The following SRCIN1 variants were observed in gnomAD, a reference collection of about 807,000 sequenced individuals.
The protein encoded by SRCIN1 is SRC kinase signaling inhibitor 1, also known as P130Cas-associated protein.
In SRCIN1, 50 loss-of-function variants were observed where a neutral mutation model predicts 116.2. That is an observed-to-expected ratio of 0.43 (90% CI 0.34 to 0.54). SRCIN1 has a LOEUF of 0.54. SRCIN1 is among the 20% of genes least tolerant of loss of function. The probability of loss-of-function intolerance (pLI) is 0.02; values close to 1 mark genes in which losing one functional copy is unlikely to be tolerated. For synonymous variants in SRCIN1, 736 were observed against 750.0 expected (o/e 0.98, Z 0.30); for missense variants, 1,446 against 1,672.0 (o/e 0.86, Z 2.36).
intron 2 of SRCIN1, among the ~76,000 whole-genome samples, chr17:38,569,402 T>C (rs1906930469): frequency 6.6e-6 from 1 of 152,166 alleles, no homozygotes; most frequent in Non-Finnish European, 1.5e-5. Flanking sequence ...TTAGAGCCAC[T>C]GGCAGAGGAG....
At chr17:38,591,635 T>C (rs1210436658) in intron 1 of SRCIN1, among the ~76,000 whole-genome samples, 1 of 152,166 alleles carries the variant, frequency 6.6e-6, no homozygotes, top group Non-Finnish European at 1.5e-5. Context: ...GGCCAGAACA[T>C]ACCTTCCTTG....
intron 11 of SRCIN1, among the ~76,000 whole-genome samples, chr17:38,555,487 A>G (rs1359080451): frequency 1.3e-5 from 2 of 152,198 alleles, no homozygotes; most frequent in Non-Finnish European, 2.9e-5. Context: ...TGAGAAAGAT[A>G]TGTTTATTAC....
chr17:38,539,216 G>A (rs1904577632), intron 18 of SRCIN1, among the ~76,000 whole-genome samples: 1 of 152,136 alleles, frequency 6.6e-6, no homozygotes, highest in South Asian at 2.1e-4. Context: ...TGTAAACTTG[G>A]TACCTAACAG....
Position 38,551,955 on chromosome 17 carries a change from C to T in SRCIN1, c.2658G>A (p.Lys886=), listed in dbSNP as rs746642772. The T allele has an allele frequency of 3.0e-5, 48 of 1,614,004 alleles. No individual in the cohort carries two copies. In the African/African-American group the frequency reaches 3.9e-4, roughly 13 times the overall value. ...CCAGGCCTTTGGTGGGGTTGCCCCC[C>T]TTGGGGGTAAGAGAGGCTCCTTCAG... ...GPAEGASLTP[K]GGNPTKGLDT... Residue 886 remains lysine (K), a synonymous_variant, in exon 14 of 19, where the codon AAG becomes AAA. Coordinates refer to ENST00000617146, the MANE Select transcript of SRCIN1 (RefSeq NM_025248.3).
intron 1 of SRCIN1, among the ~76,000 whole-genome samples, chr17:38,582,667 G>A (rs991226233): frequency 4.7e-4 from 71 of 152,290 alleles, no homozygotes; most frequent in African/African-American, 1.4e-3. Context: ...TCTGAGGGGC[G>A]GTGGCAAGGA....
In SRCIN1 at chr17:38,560,410, G is replaced by A. The variant is rs200437612; in HGVS notation, c.1716C>T (p.Ala572=). The A allele has an allele frequency of 2.9e-5, 47 of 1,611,478 alleles. No homozygotes were observed. The East Asian group carries it at 1.0e-3, about 35-fold the overall frequency. Residue 572 remains alanine, a synonymous_variant, in exon 8 of 19, where the codon GCC becomes GCT. Transcript: ENST00000617146. ...TGAGGCTGGCAATCTGCTTCTCCAT[G>A]GCCTCCATGCGCTCCCTGGGGAGGA... The part of the protein sequence containing the change: ...KDTETRERME[A]MEKQIASLTG...
intron 1 of SRCIN1, among the ~76,000 whole-genome samples, chr17:38,590,137 C>T (rs1246627925): frequency 6.6e-6 from 1 of 152,204 alleles, no homozygotes; most frequent in Non-Finnish European, 1.5e-5. Context: ...AAGACTCCCA[C>T]CCTCCCTTCT....
upstream of SRCIN1, among the ~76,000 whole-genome samples, chr17:38,606,734 C>T (rs1909387184): frequency 6.6e-6 from 1 of 152,222 alleles, no homozygotes; most frequent in Admixed American, 6.5e-5. This position sits in a 1 kb window ranked among gnomAD's most constrained non-coding sequence, Gnocchi z 5.2. Flanking sequence ...TCCCCCGCCC[C>T]TCCGCGTCCC....
intron 18 of SRCIN1, among the ~76,000 whole-genome samples, 180 bp downstream of exon 18, chr17:38,543,643 C>G (rs1197468133): frequency 6.9e-6 from 1 of 144,382 alleles, no homozygotes; most frequent in Admixed American, 6.9e-5. Flanking sequence ...GCTCCGGGAT[C>G]GGGAGGAGGA....
intron 16 of SRCIN1, 42 bp from the exon 17 acceptor site, chr17:38,548,751 A>T (rs752788084): frequency 6.6e-7 from 1 of 1,519,138 alleles, no homozygotes; most frequent in Non-Finnish European, 8.8e-7. Flanking sequence ...GCTCTGCCCC[A>T]CTTCAGCACC....
chr17:38,599,286 A>G (rs1036554342), intron 1 of SRCIN1, among the ~76,000 whole-genome samples: 1 of 152,198 alleles, frequency 6.6e-6, no homozygotes. Context: ...AGCTGACTCC[A>G]GCCCAATGCT....
intron 11 of SRCIN1, among the ~76,000 whole-genome samples, chr17:38,555,994 TTCTGA>T (rs1161082588): frequency 3.9e-5 from 6 of 152,156 alleles, no homozygotes; most frequent in Admixed American, 1.3e-4. Flanking sequence ...CAACTTGATG[TTCTGA>T]TCACCCAATC....
Position 38,543,923 on chromosome 17 carries a change from GC to G in SRCIN1, c.3316del (p.Ala1106ProfsTer4). Reference protein sequence around the residue: ...VPPMKVVTPGASRLKAAQGQA... With the variant: ...VPPMKVVTPGXSRLKAAQGQA... ...GCCCTGGGCCGCCTTCAGCCGAGAG[GC>G]CCCCGGAGTCACCACCTTCATGGGT... On this transcript the variant is annotated frameshift_variant, in exon 18 of 19. Transcript: ENST00000617146. LOFTEE classifies it high-confidence loss of function. The G allele has an allele frequency of 6.2e-7, 1 of 1,600,536 alleles. No individual in the cohort carries two copies.
intron 1 of SRCIN1, among the ~76,000 whole-genome samples, chr17:38,595,964 G>A (rs554982305): frequency 2.0e-5 from 3 of 152,216 alleles, no homozygotes; most frequent in Admixed American, 1.3e-4. Context: ...CCCCCTCTCC[G>A]TTTCTGGCCC....
At chr17:38,573,952 A>G (rs1174527225) in intron 2 of SRCIN1, among the ~76,000 whole-genome samples, 1 of 152,248 alleles carries the variant, frequency 6.6e-6, no homozygotes, top group Non-Finnish European at 1.5e-5. Context: ...GACTTGAGTT[A>G]CACTCGGCTA....
In SRCIN1 at chr17:38,543,730, G is replaced by A. The variant is rs1042107962; in HGVS notation, c.3417+93C>T. On this transcript the variant is annotated intron_variant, in intron 18 of 18. Coordinates refer to ENST00000617146, the MANE Select transcript of SRCIN1 (RefSeq NM_025248.3). ...GTCTGGGAAGAGGTTGGGAAAGCTG[G>A]TCACGGGAGCAGGGGCAGGAGATGC... 4 of 1,500,670 alleles carry A rather than the reference G, an allele frequency of 2.7e-6. No homozygotes were observed. In the African/African-American group the frequency reaches 5.5e-5, roughly 21 times the overall value. 93.0% of individuals were successfully genotyped at this position (1,500,670 alleles called of 1,614,324 possible).
intron 18 of SRCIN1, among the ~76,000 whole-genome samples, chr17:38,536,678 T>C (rs926364271): frequency 6.6e-6 from 1 of 152,196 alleles, no homozygotes; most frequent in African/African-American, 2.4e-5. Flanking sequence ...CATGCCCTCC[T>C]TCCTTGCTAA....
intron 11 of SRCIN1, among the ~76,000 whole-genome samples, chr17:38,554,141 G>A (rs1425748798): frequency 2.0e-5 from 3 of 151,994 alleles, no homozygotes; most frequent in South Asian, 4.2e-4. Context: ...AACCCAGGAG[G>A]CGGAGGTTGC....
Position 38,578,610 on chromosome 17 carries a change from G to A in SRCIN1, c.204C>T (p.Leu68=), listed in dbSNP as rs776918798. The A allele has an allele frequency of 1.9e-6, 3 of 1,610,182 alleles. No homozygotes were observed. The highest frequency in any genetic ancestry group is 1.3e-5 in the African/African-American group (1 of 74,984). ...TVIAAQSLEA[L]SGLQKADADR... is the part of the protein sequence containing the mutation. Reference sequence around the variant, plus strand: ...CGGCGTCCGCCTTCTGGAGCCCGCTGAGCGCCTCCAGACTCTGGGCCGCGA... The same window carrying A: ...CGGCGTCCGCCTTCTGGAGCCCGCTAAGCGCCTCCAGACTCTGGGCCGCGA... Residue 68 remains leucine, a synonymous_variant, in exon 2 of 19, where the codon CTC becomes CTT. Transcript: ENST00000617146.
Sources: allele counts gnomAD v4.1 joint callset (sites outside exome capture counted in the v4.1 genomes callset), GRCh38; gene constraint gnomAD v4.1.1; non-coding constraint Gnocchi (gnomAD v3.1); transcripts MANE v1.5; gene names NCBI Gene and HGNC (gene_info 2026-07-23, HGNC 2026-07-21).